The following ANO6 variants were observed in gnomAD, a reference collection of about 807,000 sequenced individuals.
ANO6 encodes anoctamin-6.
In ANO6, 106 loss-of-function variants were observed where a neutral mutation model predicts 117.5. The ratio of observed to expected loss-of-function variants is 0.90; its 90% CI spans 0.77 to 1.06. ANO6 has a LOEUF of 1.06. ANO6 is among the 50% of genes least tolerant of loss of function. The probability of loss-of-function intolerance (pLI) is 0.00; values close to 1 mark genes in which losing one functional copy is unlikely to be tolerated. For synonymous variants in ANO6, 367 were observed against 385.1 expected, an observed-to-expected ratio of 0.95 and a Z score of 0.55; for missense variants, 955 against 1,121.1, an observed-to-expected ratio of 0.85 and a Z score of 2.12.
chr12:45,391,769 G>A (rs371214933), intron 12 of ANO6, among the ~76,000 whole-genome samples: 95 of 152,252 alleles, frequency 6.2e-4, no homozygotes, highest in Non-Finnish European at 9.0e-4. Context: ...TGAGGCAGGC[G>A]AATTGCTTGA....
intron 1 of ANO6, among the ~76,000 whole-genome samples, chr12:45,237,140 G>A (rs189031717): frequency 2.6e-5 from 4 of 152,062 alleles, no homozygotes; most frequent in Non-Finnish European, 5.9e-5. Context: ...TTGTCAGATG[G>A]GCAGATTGCA....
chr12:45,258,182 T>C (rs911655206), intron 1 of ANO6, among the ~76,000 whole-genome samples: 1 of 152,212 alleles, frequency 6.6e-6, no homozygotes, highest in African/African-American at 2.4e-5. Context: ...CAATGAATAA[T>C]TGTGAATTAC....
At chr12:45,261,257 T>C (rs919434091) in intron 1 of ANO6, among the ~76,000 whole-genome samples, 1 of 152,084 alleles carries the variant, frequency 6.6e-6, no homozygotes, top group African/African-American at 2.4e-5. Flanking sequence ...TTCTGAGGAG[T>C]GAAACTCGAA....
chr12:45,351,309 C>G (rs1941274523), intron 7 of ANO6, among the ~76,000 whole-genome samples: 1 of 152,160 alleles, frequency 6.6e-6, no homozygotes, highest in Admixed American at 6.5e-5. Context: ...TGTACATTTT[C>G]ACTCTTTTCT....
intron 7 of ANO6, 99 bp downstream of exon 7, chr12:45,350,873 G>C (rs1050372905): frequency 3.7e-5 from 38 of 1,035,902 alleles, no homozygotes; most frequent in Non-Finnish European, 5.1e-5. Flanking sequence ...TGCCAGTGAA[G>C]GGAGCTGACC....
At chr12:45,348,672 T>A in intron 6 of ANO6, 41 bp downstream of exon 6, 1 of 1,446,674 alleles carries the variant, frequency 6.9e-7, no homozygotes, top group Non-Finnish European at 9.7e-7. Context: ...GCCTTCTGTA[T>A]ACTCTGGTGT....
At position 45,439,867 on chromosome 12, in the gene ANO6, G is replaced by A. The variant is rs772440442; in HGVS notation, c.2719G>A (p.Val907Ile). Residue 907 changes from valine to isoleucine, a missense_variant, in exon 20 of 20, where the codon GTT (valine) becomes ATT (isoleucine). Coordinates refer to the ANO6 transcript ENST00000425752. ...TTCAATAATATCTATTTTCTTTTCT[G>A]TTACTTTCTTTTTCCTTCTACTTTC... 5.2e-6 allele frequency: 8 copies of A among 1,527,290 alleles called. No individual in the cohort carries two copies. The African/African-American group carries it at 8.4e-5, about 16-fold the overall frequency. 94.6% of individuals were successfully genotyped at this position (1,527,290 alleles called of 1,614,324 possible).
intron 1 of ANO6, among the ~76,000 whole-genome samples, chr12:45,250,162 G>GTA (rs1320467095): frequency 6.6e-6 from 1 of 152,158 alleles, no homozygotes; most frequent in Non-Finnish European, 1.5e-5. Flanking sequence ...GACTGTATAA[G>GTA]TACTAAAAAA....
chr12:45,365,667 C>T (rs1382365533), intron 8 of ANO6, among the ~76,000 whole-genome samples: 1 of 152,110 alleles, frequency 6.6e-6, no homozygotes, highest in Non-Finnish European at 1.5e-5. Context: ...TTTTTCACAG[C>T]TTCTATAGTT....
At chr12:45,255,743 CTG>C (rs985770622) in intron 1 of ANO6, among the ~76,000 whole-genome samples, 4 of 151,194 alleles carry the variant, frequency 2.6e-5, no homozygotes, top group Non-Finnish European at 5.9e-5. Flanking sequence ...AGAGGGGAAA[CTG>C]TGACTCCATG....
rs766886555 is a variant in ANO6 at position 45,390,460 on chromosome 12, A to G, written c.1348A>G (p.Ile450Val). 1.7e-5 allele frequency: 28 copies of G among 1,613,924 alleles called. No homozygotes were observed. In the East Asian group the frequency reaches 5.3e-4, roughly 31 times the overall value. The change falls in exon 12 of 20, where the codon ATA becomes GTA. Residue 450 changes from isoleucine to valine, a missense_variant. Coordinates refer to ENST00000320560, the MANE Select transcript of ANO6 (RefSeq NM_001025356.3). Reference protein sequence around the residue: ...RIPFTAWGKCIRITLCASAVF... With the variant: ...RIPFTAWGKCVRITLCASAVF... ...TCCCTTTACTGCCTGGGGAAAATGT[A>G]TACGGATAACCCTCTGTGCCAGTGC...
intron 1 of ANO6, among the ~76,000 whole-genome samples, chr12:45,224,025 G>A (rs769637543): frequency 2.6e-5 from 4 of 152,186 alleles, no homozygotes; most frequent in African/African-American, 4.8e-5. Context: ...CTGAGTGTAT[G>A]TATTTTACCA....
At chr12:45,317,368 A>G (rs1940083839) in intron 2 of ANO6, among the ~76,000 whole-genome samples, 1 of 142,598 alleles carries the variant, frequency 7.0e-6, no homozygotes, top group Admixed American at 7.4e-5. Flanking sequence ...GAGAACATGA[A>G]GTGTTTGGTT....
intron 7 of ANO6, among the ~76,000 whole-genome samples, chr12:45,352,772 T>C (rs1280594741): frequency 6.6e-6 from 1 of 151,982 alleles, no homozygotes; most frequent in Non-Finnish European, 1.5e-5. Flanking sequence ...TAATCAGGAT[T>C]CAGATTTCCC....
chr12:45,386,088 A>G (rs1204037481), intron 10 of ANO6, among the ~76,000 whole-genome samples: 1 of 152,176 alleles, frequency 6.6e-6, no homozygotes, highest in Non-Finnish European at 1.5e-5. Context: ...CAAACAAAAC[A>G]ACTATGCTCA....
At chr12:45,270,620 T>G in intron 1 of ANO6, 1 of 478,232 alleles carries the variant, frequency 2.1e-6, no homozygotes, top group Non-Finnish European at 3.7e-6. Flanking sequence ...TTCCTGTTAT[T>G]TCTGTAACAG....
At chr12:45,331,881 T>C (rs747159710) in intron 3 of ANO6, among the ~76,000 whole-genome samples, 3 of 152,122 alleles carry the variant, frequency 2.0e-5, no homozygotes, top group Non-Finnish European at 4.4e-5. Context: ...TTATGGATGA[T>C]AGAGATGACC....
chr12:45,439,438 G>A (rs891400973), intron 19 of ANO6, among the ~76,000 whole-genome samples: 3 of 152,170 alleles, frequency 2.0e-5, no homozygotes, highest in Admixed American at 1.3e-4. Flanking sequence ...ACAAACCTAA[G>A]CAGGAGGCAA....
chr12:45,374,135 C>T (rs1941933251), intron 9 of ANO6, among the ~76,000 whole-genome samples: 1 of 144,998 alleles, frequency 6.9e-6, no homozygotes. Flanking sequence ...CACATACACT[C>T]TCCCAAGACT....
Sources: gnomAD v4.1 joint callset for allele counts (sites outside exome capture counted in the v4.1 genomes callset) on GRCh38, gnomAD v4.1.1 for gene constraint, MANE v1.5 for transcripts, NCBI Gene and HGNC (gene_info 2026-07-23, HGNC 2026-07-21) for gene names.